DPP6: variants seen among roughly 807,000 people sequenced by gnomAD.
DPP6 encodes dipeptidyl peptidase like 6.
In DPP6, 69 loss-of-function variants were observed where a neutral mutation model predicts 122.6. The ratio of observed to expected loss-of-function variants is 0.56; its 90% CI spans 0.46 to 0.69. DPP6 has a LOEUF of 0.69. DPP6 is among the 30% of genes least tolerant of loss of function. The probability of loss-of-function intolerance (pLI) is 0.00; values close to 1 mark genes in which losing one functional copy is unlikely to be tolerated. For synonymous variants in DPP6, 418 were observed against 433.1 expected (o/e 0.97, Z 0.43); for missense variants, 928 against 1,116.9 (o/e 0.83, Z 2.41).
At chr7:154,172,424 C>T (rs560983303) in intron 1 of DPP6, among the ~76,000 whole-genome samples, 2 of 152,248 alleles carry the variant, frequency 1.3e-5, no homozygotes, top group South Asian at 4.1e-4. Context: ...AAGAGAGAAT[C>T]CCCACTGTTA....
At chr7:154,357,103 T>G (rs781034156) in intron 1 of DPP6, among the ~76,000 whole-genome samples, 8 of 152,196 alleles carry the variant, frequency 5.3e-5, no homozygotes, top group Non-Finnish European at 5.9e-5. Context: ...TCATAATATA[T>G]TTTAAATGAA....
At chr7:153,893,397 C>T (rs1161894101) in intron 1 of DPP6, among the ~76,000 whole-genome samples, 1 of 152,166 alleles carries the variant, frequency 6.6e-6, no homozygotes, top group Non-Finnish European at 1.5e-5. Flanking sequence ...ATTCATTCGT[C>T]CCCATGGACA....
upstream of DPP6, among the ~76,000 whole-genome samples, chr7:153,882,338 CTT>C (rs2128989290): frequency 6.6e-6 from 1 of 152,268 alleles, no homozygotes; most frequent in African/African-American, 2.4e-5. Context: ...GTTTTAGTCT[CTT>C]TTCTTATGTC....
chr7:154,442,413 G>A (rs1299434447), intron 1 of DPP6, among the ~76,000 whole-genome samples: 6 of 152,184 alleles, frequency 3.9e-5, no homozygotes, highest in African/African-American at 1.4e-4. Context: ...GTGAAACCAG[G>A]CAAGACTTCC....
chr7:154,792,624 G>A (rs1407168221), intron 10 of DPP6, among the ~76,000 whole-genome samples: 1 of 152,226 alleles, frequency 6.6e-6, no homozygotes, highest in African/African-American at 2.4e-5. Flanking sequence ...GGAGGGCATG[G>A]TCCCTGTGGA....
chr7:154,445,281 C>A (rs1466209314), intron 1 of DPP6, among the ~76,000 whole-genome samples: 1 of 152,144 alleles, frequency 6.6e-6, no homozygotes, highest in East Asian at 1.9e-4. Context: ...TGCAGTGTGA[C>A]CATCTGTCCT....
intron 1 of DPP6, among the ~76,000 whole-genome samples, chr7:154,259,535 AG>A (rs892904080): frequency 6.6e-6 from 1 of 152,138 alleles, no homozygotes; most frequent in South Asian, 2.1e-4. Flanking sequence ...GAGAAAAGAG[AG>A]GAAGAGGTAG....
chr7:154,595,280 C>G (rs556246816), intron 5 of DPP6, among the ~76,000 whole-genome samples: 2 of 152,214 alleles, frequency 1.3e-5, no homozygotes, highest in Admixed American at 6.5e-5. Flanking sequence ...CTTATGCTTC[C>G]TTTCTGGGAC....
At chr7:154,889,028 C>T (rs928200229) in intron 23 of DPP6, among the ~76,000 whole-genome samples, 1 of 152,186 alleles carries the variant, frequency 6.6e-6, no homozygotes, top group Non-Finnish European at 1.5e-5. Flanking sequence ...GGGTCCCTCC[C>T]ACAACTCGTG....
chr7:153,978,938 T>G (rs1796442881), intron 1 of DPP6, among the ~76,000 whole-genome samples: 1 of 152,178 alleles, frequency 6.6e-6, no homozygotes, highest in Non-Finnish European at 1.5e-5. Flanking sequence ...CCGTGCTGTT[T>G]TGGTTACTGT....
chr7:154,381,590 A>G (rs927839362), intron 1 of DPP6, among the ~76,000 whole-genome samples: 5 of 152,194 alleles, frequency 3.3e-5, no homozygotes, highest in African/African-American at 1.2e-4. Context: ...GCATTAGTAA[A>G]TCAGTATTTC....
chr7:154,142,110 A>G (rs571165439), intron 1 of DPP6, among the ~76,000 whole-genome samples: 14 of 152,262 alleles, frequency 9.2e-5, no homozygotes, highest in African/African-American at 3.1e-4. Context: ...CTCCCAGGAA[A>G]AGTACAAAGA....
At chr7:154,435,690 A>T (rs1388877063) in intron 1 of DPP6, among the ~76,000 whole-genome samples, 1 of 152,222 alleles carries the variant, frequency 6.6e-6, no homozygotes, top group Non-Finnish European at 1.5e-5. Flanking sequence ...CCTCCTGAAT[A>T]TGGAAATACA....
chr7:154,081,199 G>A (rs542732775), intron 1 of DPP6, among the ~76,000 whole-genome samples: 1 of 151,730 alleles, frequency 6.6e-6, no homozygotes, highest in Non-Finnish European at 1.5e-5. Context: ...GAGCAGGATG[G>A]AGTAGCAAAG....
chr7:154,372,583 A>T (rs1488911474), intron 1 of DPP6, among the ~76,000 whole-genome samples: 1 of 152,238 alleles, frequency 6.6e-6, no homozygotes, highest in Non-Finnish European at 1.5e-5. Context: ...GTGGGTGTCC[A>T]GAGATGCTTT....
At chr7:153,998,373 C>G (rs1293650757) in intron 1 of DPP6, among the ~76,000 whole-genome samples, 1 of 152,176 alleles carries the variant, frequency 6.6e-6, no homozygotes, top group African/African-American at 2.4e-5. Flanking sequence ...TCAGCAACCA[C>G]TTACATTGTT....
intron 1 of DPP6, among the ~76,000 whole-genome samples, chr7:153,925,657 C>T (rs541698587): frequency 6.6e-6 from 1 of 152,208 alleles, no homozygotes; most frequent in African/African-American, 2.4e-5. Context: ...GATCATCCCA[C>T]ATGGTGGAGG....
At chr7:154,474,914 C>T in intron 2 of DPP6, 25 bp from the exon 3 acceptor site, 1 of 1,560,930 alleles carries the variant, frequency 6.4e-7, no homozygotes, top group Non-Finnish European at 8.8e-7. Flanking sequence ...ACAAGCTTAA[C>T]TCTTTGCTTT....
intron 8 of DPP6, among the ~76,000 whole-genome samples, chr7:154,763,203 G>A (rs1180856797): frequency 6.6e-6 from 1 of 152,154 alleles, no homozygotes; most frequent in Non-Finnish European, 1.5e-5. Context: ...GTGGTGGCGG[G>A]TGCCTGTAAT....
Sources: allele counts gnomAD v4.1 joint callset (sites outside exome capture counted in the v4.1 genomes callset), GRCh38; gene constraint gnomAD v4.1.1; transcripts MANE v1.5; gene names NCBI Gene and HGNC (gene_info 2026-07-23, HGNC 2026-07-21).